MAP3K20: variants seen among roughly 807,000 people sequenced by gnomAD.
MAP3K20 encodes the protein HCCS-4.
Under a neutral mutation model 85.7 loss-of-function variants are expected in MAP3K20, and 40 were observed. The observed-to-expected ratio is 0.47, with a 90% CI of 0.36 to 0.61. MAP3K20 has a LOEUF of 0.61. MAP3K20 is among the 20% of genes least tolerant of loss of function. The pLI, the probability that MAP3K20 is intolerant of heterozygous loss-of-function variation, is 0.00. For synonymous variants in MAP3K20, 325 were observed against 327.7 expected, an observed-to-expected ratio of 0.99 and a Z score of 0.09; for missense variants, 817 against 961.7, an observed-to-expected ratio of 0.85 and a Z score of 1.99.
intron 2 of MAP3K20, among the ~76,000 whole-genome samples, chr2:173,121,446 A>G (rs779373130): frequency 6.6e-6 from 1 of 152,100 alleles, no homozygotes; most frequent in Non-Finnish European, 1.5e-5. Flanking sequence ...GGAGTGCAGC[A>G]GGCAATCTCG....
chr2:173,232,477 A>G lies in MAP3K20; in HGVS notation c.1203+18A>G, dbSNP rs1377228668. ...ACTTCAAGGTACCTGAGAAAGGGAC[A>G]ACATTCCATCAGCAAACCCTTTTTT... On this transcript the variant is annotated intron_variant, in intron 14 of 19. Coordinates refer to ENST00000375213, the MANE Select transcript of MAP3K20 (RefSeq NM_016653.3). 1 of 1,608,898 alleles carries G rather than the reference A, an allele frequency of 6.2e-7. No homozygotes were observed. The highest frequency in any genetic ancestry group is 8.5e-7 in the Non-Finnish European group (1 of 1,178,426).
intron 3 of MAP3K20, among the ~76,000 whole-genome samples, chr2:173,179,846 T>A (rs755577305): frequency 8.2e-4 from 125 of 151,872 alleles, no homozygotes; most frequent in Non-Finnish European, 1.6e-3. Context: ...AACCTAAAAA[T>A]TAAATTAAGA....
At chr2:173,202,802 TGTTATGTCAGAAATCATGATAAA>T (rs1241228156) in intron 8 of MAP3K20, among the ~76,000 whole-genome samples, 4 of 152,146 alleles carry the variant, frequency 2.6e-5, no homozygotes, top group Non-Finnish European at 5.9e-5. Context: ...GCACTGTTGT[TGTTATGTCAGAAATCATGATAAA>T]GTTATGAATC....
intron 2 of MAP3K20, among the ~76,000 whole-genome samples, chr2:173,097,080 C>T (rs1687483446): frequency 2.0e-5 from 3 of 152,202 alleles, no homozygotes; most frequent in Admixed American, 1.3e-4. Context: ...TGAATGTTAA[C>T]TTTTGAAAAC....
intron 2 of MAP3K20, among the ~76,000 whole-genome samples, chr2:173,110,651 A>C (rs923400624): frequency 6.6e-6 from 1 of 152,004 alleles, no homozygotes; most frequent in South Asian, 2.1e-4. Flanking sequence ...TAGCTCCCAC[A>C]TATCAGTGAG....
intron 14 of MAP3K20, among the ~76,000 whole-genome samples, chr2:173,234,034 G>A (rs959535919): frequency 6.6e-6 from 1 of 152,212 alleles, no homozygotes; most frequent in African/African-American, 2.4e-5. Context: ...GCTGGCTTAG[G>A]TGGGCCACAG....
At chr2:173,155,678 T>TC (rs1689446011) in intron 2 of MAP3K20, among the ~76,000 whole-genome samples, 1 of 152,186 alleles carries the variant, frequency 6.6e-6, no homozygotes, top group African/African-American at 2.4e-5. Context: ...AATTATTGGA[T>TC]TTTTTTCCAT....
chr2:173,076,935 A>T (rs1686879831), intron 1 of MAP3K20, among the ~76,000 whole-genome samples: 2 of 152,262 alleles, frequency 1.3e-5, no homozygotes, highest in African/African-American at 4.8e-5. Flanking sequence ...AAATTTTTTT[A>T]AAAAGTTATC....
At chr2:173,260,814 C>T (rs1685275171) in intron 17 of MAP3K20, among the ~76,000 whole-genome samples, 1 of 152,250 alleles carries the variant, frequency 6.6e-6, no homozygotes, top group East Asian at 1.9e-4. Flanking sequence ...AATGTTATAT[C>T]GGAAAAGAAG....
intron 1 of MAP3K20, 147 bp from the exon 2 acceptor site, chr2:173,090,851 T>A: frequency 7.4e-7 from 1 of 1,349,808 alleles, no homozygotes; most frequent in South Asian, 2.0e-5. Context: ...TCGAATTGTT[T>A]ATAATCTTGC....
At chr2:173,084,123 A>G (rs927844590) in intron 1 of MAP3K20, among the ~76,000 whole-genome samples, 7 of 152,164 alleles carry the variant, frequency 4.6e-5, no homozygotes, top group African/African-American at 1.7e-4. Flanking sequence ...AGATCTCCCT[A>G]TGTTGCCCCA....
chr2:173,081,675 C>T (rs1214342927), intron 1 of MAP3K20, among the ~76,000 whole-genome samples: 1 of 152,166 alleles, frequency 6.6e-6, no homozygotes, highest in Non-Finnish European at 1.5e-5. Flanking sequence ...CTCTTAGCTT[C>T]TCACCCAGTT....
intron 2 of MAP3K20, among the ~76,000 whole-genome samples, chr2:173,137,418 T>C (rs1465357120): frequency 1.3e-5 from 2 of 152,186 alleles, no homozygotes; most frequent in South Asian, 2.1e-4. Context: ...GTTCTCTGTT[T>C]GGGAAGGCAA....
At chr2:173,265,332 T>A (rs917726871) in intron 19 of MAP3K20, among the ~76,000 whole-genome samples, 1 of 152,256 alleles carries the variant, frequency 6.6e-6, no homozygotes, top group Non-Finnish European at 1.5e-5. Flanking sequence ...AGGAACTTGC[T>A]TATTCACTGA....
intron 2 of MAP3K20, among the ~76,000 whole-genome samples, chr2:173,093,468 G>A (rs966804931): frequency 3.3e-5 from 5 of 152,156 alleles, no homozygotes; most frequent in Admixed American, 2.0e-4. Context: ...TATGTGAGAG[G>A]AGAAAGGAAG....
Position 173,236,763 on chromosome 2 carries a change from G to A in MAP3K20, c.1204-1610G>A, listed in dbSNP as rs144326875. Reference sequence around the variant, plus strand: ...GGGTCATGTGCACTTACTCTAGGAGGGCCCTGCATAGACTCTCAATTAAGA... The same window carrying A: ...GGGTCATGTGCACTTACTCTAGGAGAGCCCTGCATAGACTCTCAATTAAGA... On this transcript the variant is annotated intron_variant, in intron 14 of 19. Transcript: ENST00000375213. 3.4e-4 allele frequency among the ~76,000 whole-genome samples: 52 copies of A among 152,260 alleles called. No homozygotes were observed. In the East Asian group the frequency reaches 8.1e-3, roughly 24 times the overall value.
rs115431060 is a variant in MAP3K20, at chr2:173,126,114, A to G, written c.159+34924A>G. On this transcript the variant is annotated intron_variant, in intron 2 of 19. Coordinates refer to ENST00000375213, the MANE Select transcript of MAP3K20 (RefSeq NM_016653.3). ...TTAAATTTCTTTATGGGACTATAACATGTTTAATCCAAAGGATGAGGCATT... is the reference window on the plus strand; with the variant it reads ...TTAAATTTCTTTATGGGACTATAACGTGTTTAATCCAAAGGATGAGGCATT... Among the ~76,000 whole-genome samples, 1,162 of 152,320 alleles carry G rather than the reference A, an allele frequency of 7.6e-3. 9 individuals carry two copies. Among genetic ancestry groups the G allele is most frequent in the Non-Finnish European group, 0.013 (881 of 68,010 alleles).
rs755591374 is a variant in MAP3K20, at chr2:173,144,930, A to G, written c.160-24875A>G. Among the ~76,000 whole-genome samples the G allele has an allele frequency of 2.0e-3, 303 of 152,318 alleles. 1 individual carries two copies. Among genetic ancestry groups the G allele is most frequent in the Non-Finnish European group, 5.9e-4 (40 of 68,022 alleles). On this transcript the variant is annotated intron_variant, in intron 2 of 19. Coordinates refer to ENST00000375213, the MANE Select transcript of MAP3K20 (RefSeq NM_016653.3). ...AACAGAATTTCATATTTAGACCCAG[A>G]CATATTATAATCCATTGAGTTTTAA... is the stretch of plus-strand genomic sequence containing the variant.
At chr2:173,080,592 T>C (rs1686986975) in intron 1 of MAP3K20, among the ~76,000 whole-genome samples, 2 of 152,232 alleles carry the variant, frequency 1.3e-5, no homozygotes. Context: ...ATTTATGACC[T>C]AATCACCTCT....
Sources: allele counts gnomAD v4.1 joint callset (sites outside exome capture counted in the v4.1 genomes callset), GRCh38; gene constraint gnomAD v4.1.1; transcripts MANE v1.5; gene names NCBI Gene and HGNC (gene_info 2026-07-23, HGNC 2026-07-21).